OPCML: variants seen among roughly 807,000 people sequenced by gnomAD.
OPCML encodes opioid-binding protein/cell adhesion molecule.
A neutral mutation model predicts 37.8 loss-of-function variants in OPCML; 13 were observed. The observed-to-expected ratio is 0.34, with a 90% CI of 0.22 to 0.55. OPCML has a LOEUF of 0.55. Ranked by LOEUF, OPCML falls within the 20% of genes least tolerant of loss-of-function variation. The pLI is 0.91. For missense variants in OPCML, 341 were observed against 435.6 expected, an observed-to-expected ratio of 0.78 and a Z score of 1.93; for synonymous variants, 176 against 168.8, an observed-to-expected ratio of 1.04 and a Z score of -0.33.
At chr11:133,109,450 CT>C (rs1949217529) in intron 1 of OPCML, among the ~76,000 whole-genome samples, 1 of 152,126 alleles carries the variant, frequency 6.6e-6, no homozygotes, top group South Asian at 2.1e-4. Context: ...CGATTGGCTA[CT>C]TTTAGGATCC....
intron 1 of OPCML, among the ~76,000 whole-genome samples, chr11:133,408,548 C>G (rs1945572985): frequency 6.6e-6 from 1 of 152,190 alleles, no homozygotes; most frequent in Non-Finnish European, 1.5e-5. Context: ...AGTTCAGGGT[C>G]ACAGGTGGCT....
intron 4 of OPCML, among the ~76,000 whole-genome samples, chr11:132,498,636 T>C (rs925536721): frequency 1.3e-5 from 2 of 152,194 alleles, no homozygotes; most frequent in Non-Finnish European, 1.5e-5. Context: ...CTACAATTCC[T>C]CTGTAGTGGA....
At chr11:132,425,604 C>G (rs1345316419) in intron 7 of OPCML, among the ~76,000 whole-genome samples, 1 of 152,194 alleles carries the variant, frequency 6.6e-6, no homozygotes, top group African/African-American at 2.4e-5. Flanking sequence ...TGAGTTGGAA[C>G]TAAGGCAAGA....
At chr11:133,253,568 G>C (rs9736335) in intron 1 of OPCML, among the ~76,000 whole-genome samples, 97,448 of 152,044 alleles carry the variant, frequency 0.64, 33,306 homozygotes, top group East Asian at 0.91. Flanking sequence ...CCTCGGCCTC[G>C]TAAAGTGCTG....
At chr11:133,170,234 T>C (rs771021696) in intron 1 of OPCML, among the ~76,000 whole-genome samples, 1 of 152,228 alleles carries the variant, frequency 6.6e-6, no homozygotes, top group Non-Finnish European at 1.5e-5. Flanking sequence ...CCCAGCACTT[T>C]GTGAGGCCGA....
chr11:133,365,135 T>C (rs1044156437), intron 1 of OPCML, among the ~76,000 whole-genome samples: 3 of 151,450 alleles, frequency 2.0e-5, no homozygotes, highest in African/African-American at 7.3e-5. Flanking sequence ...GCCGACCACC[T>C]CCAGATGTGC....
intron 4 of OPCML, among the ~76,000 whole-genome samples, chr11:132,497,088 G>T (rs948500553): frequency 6.6e-6 from 1 of 152,154 alleles, no homozygotes; most frequent in African/African-American, 2.4e-5. Flanking sequence ...CATGTATTTT[G>T]CAGGGACATG....
intron 1 of OPCML, among the ~76,000 whole-genome samples, chr11:133,265,059 C>A (rs370808592): frequency 6.6e-6 from 1 of 152,026 alleles, no homozygotes; most frequent in Non-Finnish European, 1.5e-5. Flanking sequence ...TGGAGTGGGA[C>A]AGTGAAATGG....
In OPCML at chr11:132,924,999, C is replaced by T. The variant is rs181436633; in HGVS notation, c.146+17927G>A. On this transcript the variant is annotated intron_variant, in intron 2 of 7. Coordinates refer to ENST00000524381, the MANE Select transcript of OPCML (RefSeq NM_001012393.5). The stretch of plus-strand genomic sequence containing the variant: ...TGCTTTTCAGTTTCAAAGGTTTCCA[C>T]TGGCATATTTTCCAGCTCACTGATT... Among the ~76,000 whole-genome samples, 255 of 152,338 alleles carry T rather than the reference C, an allele frequency of 1.7e-3. 1 individual carries two copies. The highest frequency in any genetic ancestry group is 5.9e-3 in the African/African-American group (247 of 41,586).
intron 1 of OPCML, chr11:133,067,065 A>G (rs1028605447): frequency 3.3e-5 from 5 of 152,226 alleles, no homozygotes; most frequent in African/African-American, 1.2e-4. Context: ...ACAATAAGCC[A>G]TGAAAACTGG....
intron 2 of OPCML, among the ~76,000 whole-genome samples, chr11:132,843,704 G>T (rs1274196287): frequency 6.6e-6 from 1 of 152,146 alleles, no homozygotes; most frequent in Non-Finnish European, 1.5e-5. Flanking sequence ...CACTGTTATT[G>T]AGATTGTGGC....
intron 2 of OPCML, among the ~76,000 whole-genome samples, chr11:132,739,558 G>A (rs1945371528): frequency 6.6e-6 from 1 of 152,140 alleles, no homozygotes; most frequent in South Asian, 2.1e-4. Flanking sequence ...TTCATGGGTG[G>A]GACATAATAC....
chr11:133,397,902 T>C (rs1342444347), intron 1 of OPCML, among the ~76,000 whole-genome samples: 1 of 152,242 alleles, frequency 6.6e-6, no homozygotes, highest in African/African-American at 2.4e-5. Context: ...TAAATCCTGA[T>C]TTGGTGAAGG....
intron 1 of OPCML, among the ~76,000 whole-genome samples, chr11:133,106,227 T>C (rs772967631): frequency 2.6e-5 from 4 of 152,188 alleles, no homozygotes; most frequent in Non-Finnish European, 4.4e-5. Context: ...CAAAAACTCA[T>C]TGGAGGAAAA....
At chr11:132,924,288 A>AATC (rs1045977999) in intron 2 of OPCML, among the ~76,000 whole-genome samples, 1 of 152,120 alleles carries the variant, frequency 6.6e-6, no homozygotes, top group African/African-American at 2.4e-5. Context: ...AGCTTAAGTT[A>AATC]ATCATCTCCT....
At chr11:132,793,668 A>C (rs1004481445) in intron 2 of OPCML, among the ~76,000 whole-genome samples, 1 of 152,132 alleles carries the variant, frequency 6.6e-6, no homozygotes, top group Non-Finnish European at 1.5e-5. Flanking sequence ...ACCCTTTCTG[A>C]GGGTATGTGC....
intron 1 of OPCML, among the ~76,000 whole-genome samples, chr11:133,255,320 C>A (rs1859888661): frequency 6.6e-6 from 1 of 152,100 alleles, no homozygotes; most frequent in Non-Finnish European, 1.5e-5. Context: ...CAGGGCATGG[C>A]ACACATAGGG....
At chr11:132,698,986 C>A (rs1479570743) in intron 2 of OPCML, among the ~76,000 whole-genome samples, 2 of 151,976 alleles carry the variant, frequency 1.3e-5, no homozygotes, top group East Asian at 3.9e-4. Flanking sequence ...TTAATTTTTC[C>A]AATTCAGGAA....
chr11:132,865,832 G>T (rs867250891), intron 2 of OPCML, among the ~76,000 whole-genome samples: 9 of 152,160 alleles, frequency 5.9e-5, no homozygotes, highest in South Asian at 2.1e-4. Flanking sequence ...TAATGTAGAA[G>T]GAAATGGCAG....
Sources: gnomAD v4.1 joint callset for allele counts (sites outside exome capture counted in the v4.1 genomes callset) on GRCh38, gnomAD v4.1.1 for gene constraint, MANE v1.5 for transcripts, NCBI Gene and HGNC (gene_info 2026-07-23, HGNC 2026-07-21) for gene names.